Variants in ERCC5 observed in about 807,000 individuals in gnomAD.
ERCC5 encodes DNA excision repair protein ERCC-5.
ERCC5 carries 68 observed loss-of-function variants against 105.6 expected under a neutral mutation model. The ratio of observed to expected loss-of-function variants is 0.64; its 90% CI spans 0.53 to 0.79. The LOEUF (loss-of-function observed/expected upper bound fraction) is 0.79, where lower values mean the gene tolerates loss of function less well. ERCC5 is among the 30% of genes least tolerant of loss of function. The pLI, the probability that ERCC5 is intolerant of heterozygous loss-of-function variation, is 0.00. For missense variants in ERCC5, 1,373 were observed against 1,426.7 expected, an observed-to-expected ratio of 0.96 and a Z score of 0.61; for synonymous variants, 546 against 526.2, an observed-to-expected ratio of 1.04 and a Z score of -0.51.
intron 11 of ERCC5, among the ~76,000 whole-genome samples, chr13:102,867,909 A>G (rs1366683326): frequency 1.3e-5 from 2 of 152,216 alleles, no homozygotes; most frequent in African/African-American, 2.4e-5. Context: ...TATAGAGGGT[A>G]TTTAAAGCTA....
rs1882850611 is a variant in ERCC5, at chr13:102,866,616, A to AC, written c.2320-12dup. 6.2e-7 allele frequency: 1 copy of AC among 1,612,152 alleles called. No individual in the cohort carries two copies. The highest frequency in any genetic ancestry group is 8.5e-7 in the Non-Finnish European group (1 of 1,179,798). On this transcript the variant is annotated splice_polypyrimidine_tract_variant and intron_variant, in intron 10 of 14. Transcript: ENST00000652225. ...TGCCCTTCCCTGGGCGTCACTGTGT[A>AC]CCCCTCACTCTGCAGGAACTCCTGC...
chr13:102,865,570 G>A lies in ERCC5; in HGVS notation c.1955-97G>A. Reference sequence around the variant, plus strand: ...TAGTCATATCTTTCCTTTTTAGGATGTAGCATTTTTCAGGTTCCTCCAGAA... The same window carrying A: ...TAGTCATATCTTTCCTTTTTAGGATATAGCATTTTTCAGGTTCCTCCAGAA... On this transcript the variant is annotated intron_variant, in intron 8 of 14. Transcript: ENST00000652225. This position sits in a 1 kb window ranked among gnomAD's most constrained non-coding sequence, Gnocchi z 4.0. The A allele has an allele frequency of 6.6e-7, 1 of 1,509,510 alleles. No individual in the cohort carries two copies. The highest frequency in any genetic ancestry group is 9.0e-7 in the Non-Finnish European group (1 of 1,107,114). 93.5% of individuals were successfully genotyped at this position (1,509,510 alleles called of 1,614,324 possible).
intron 13 of ERCC5, among the ~76,000 whole-genome samples, chr13:102,873,033 A>G (rs1883083978): frequency 6.6e-6 from 1 of 152,204 alleles, no homozygotes; most frequent in African/African-American, 2.4e-5. Context: ...TCCTAAAGTG[A>G]GAGCTAAATA....
At chr13:102,847,419 G>C (rs980345982) in intron 1 of ERCC5, among the ~76,000 whole-genome samples, 2 of 151,370 alleles carry the variant, frequency 1.3e-5, no homozygotes, top group Admixed American at 6.6e-5. Flanking sequence ...TCCTGTAAAT[G>C]ATTGCGGGGG....
chr13:102,872,105 G>A, intron 12 of ERCC5, 93 bp from the exon 13 acceptor site: 1 of 1,442,768 alleles, frequency 6.9e-7, no homozygotes, highest in East Asian at 2.5e-5. Flanking sequence ...GTTAGAACTT[G>A]AGTTTACATG....
intron 12 of ERCC5, 95 bp downstream of exon 12, chr13:102,868,352 CAT>C (rs1378080349): frequency 2.0e-6 from 3 of 1,494,284 alleles, no homozygotes; most frequent in African/African-American, 1.4e-5. Context: ...CATGCTGTAA[CAT>C]GTGAACAATG....
At chr13:102,867,962 GAATAA>G (rs1882899100) in intron 11 of ERCC5, 146 bp from the exon 12 acceptor site, 1 of 826,422 alleles carries the variant, frequency 1.2e-6, no homozygotes, top group South Asian at 2.0e-5. Context: ...GAATGCCATT[GAATAA>G]AATAATTTAT....
chr13:102,854,419 A>G, intron 4 of ERCC5, 45 bp downstream of exon 4: 1 of 1,573,832 alleles, frequency 6.4e-7, no homozygotes. Context: ...TCATTGCTAC[A>G]TTCAGACACA....
chr13:102,846,371 G>C lies in ERCC5; in HGVS notation c.88+17G>C, dbSNP rs751683274. ...TGGCTGTTGGTATCCTTAACGCCGC[G>C]TTGGGACTTGGGGTGCAGGGATTCG... On this transcript the variant is annotated intron_variant, in intron 1 of 14. Coordinates refer to ENST00000652225, the MANE Select transcript of ERCC5 (RefSeq NM_000123.4). 6.2e-7 allele frequency: 1 copy of C among 1,610,586 alleles called. No homozygotes were observed. Among genetic ancestry groups the C allele is most frequent in the Non-Finnish European group, 8.5e-7 (1 of 1,176,990 alleles).
intron 1 of ERCC5, 103 bp downstream of exon 1, chr13:102,846,457 T>TGGGTCG (rs909169159): frequency 1.6e-5 from 17 of 1,033,726 alleles, no homozygotes; most frequent in Admixed American, 1.3e-4. Flanking sequence ...ATGATGGTCT[T>TGGGTCG]GGGTCGGGGT....
At chr13:102,858,507 C>G in intron 6 of ERCC5, 89 bp downstream of exon 6, 1 of 1,557,264 alleles carries the variant, frequency 6.4e-7, no homozygotes, top group Non-Finnish European at 8.8e-7. Context: ...ATAAGCAATA[C>G]TTACACGATA....
At chr13:102,874,954 G>C (rs1433991281) in intron 14 of ERCC5, 5 of 237,882 alleles carry the variant, frequency 2.1e-5, no homozygotes, top group Non-Finnish European at 8.3e-6. Flanking sequence ...GATATAGTAG[G>C]ACTTAGAAAC....
At chr13:102,849,256 ATTG>A in intron 1 of ERCC5, 1 of 518,280 alleles carries the variant, frequency 1.9e-6, no homozygotes, top group South Asian at 1.4e-5. Context: ...AACTTGGGCT[ATTG>A]TAACTCATTT....
chr13:102,863,183 C>A (rs1814503614), intron 8 of ERCC5, 80 bp downstream of exon 8: 2 of 1,481,262 alleles, frequency 1.4e-6, no homozygotes, highest in African/African-American at 1.4e-5. Flanking sequence ...TTAGTGTAGT[C>A]CCGTTTTAAC....
In ERCC5 at chr13:102,868,143, C is replaced by T. The variant is rs1882910391; in HGVS notation, c.2564C>T (p.Ala855Val). Residue 855 changes from alanine (A) to valine (V), a missense_variant, in exon 12 of 15, where the codon GCT becomes GTT. Around this residue, in one of 3 missense-constraint regions of ERCC5, gnomAD observed 1,004 missense variants for 1,059.7 expected, o/e 0.95. Transcript: ENST00000652225. Reference sequence around the variant, plus strand: ...GACCGGAATAAGTTAATAAATTTGGCTTATTTGCTTGGAAGTGATTATACC... The same window carrying T: ...GACCGGAATAAGTTAATAAATTTGGTTTATTTGCTTGGAAGTGATTATACC... Reference protein sequence around the residue: ...GLDRNKLINLAYLLGSDYTEG... With the variant: ...GLDRNKLINLVYLLGSDYTEG... The T allele has an allele frequency of 1.9e-6, 3 of 1,614,004 alleles. No homozygotes were observed. The East Asian group carries it at 6.7e-5, about 36-fold the overall frequency.
intron 1 of ERCC5, among the ~76,000 whole-genome samples, chr13:102,849,854 G>T (rs7328951): frequency 0.086 from 13,016 of 151,986 alleles, 1,848 homozygotes; most frequent in African/African-American, 0.29. Flanking sequence ...GAAATAACGT[G>T]ATAGGTGGCC....
intron 8 of ERCC5, 152 bp downstream of exon 8, chr13:102,863,255 A>G (rs1882714829): frequency 3.3e-6 from 3 of 922,136 alleles, no homozygotes; most frequent in Non-Finnish European, 4.8e-6. Flanking sequence ...CCAGGGAGTC[A>G]CAGCTGGTCA....
At chr13:102,864,432 C>T (rs1321949152) in intron 8 of ERCC5, among the ~76,000 whole-genome samples, 1 of 152,070 alleles carries the variant, frequency 6.6e-6, no homozygotes, top group Admixed American at 6.5e-5. Flanking sequence ...TTTTCCTTCT[C>T]CCCATTTATT....
In ERCC5 at chr13:102,862,568, AGAACAAATGTCACTT is replaced by A; in HGVS notation, c.1421_1435del (p.Glu474_Leu478del). ...GAGAGCCCACAGACTCAGTTCCAAAAGAACAAATGTCACTTGTTCACGTGGGGACTGAAGCCTTTC... is the reference window on the plus strand; with the variant it reads ...GAGAGCCCACAGACTCAGTTCCAAAAGTTCACGTGGGGACTGAAGCCTTTC... On this transcript the variant is annotated inframe_deletion, in exon 8 of 15. Transcript: ENST00000652225. 6.2e-7 allele frequency: 1 copy of A among 1,614,176 alleles called. No homozygotes were observed. The highest frequency in any genetic ancestry group is 8.5e-7 in the Non-Finnish European group (1 of 1,180,046).
Sources: allele counts gnomAD v4.1 joint callset (sites outside exome capture counted in the v4.1 genomes callset), GRCh38; gene constraint gnomAD v4.1.1; regional missense constraint gnomAD v4.1.1; non-coding constraint Gnocchi (gnomAD v3.1); transcripts MANE v1.5; gene names NCBI Gene and HGNC (gene_info 2026-07-23, HGNC 2026-07-21).